HSF2BP: variants seen among roughly 807,000 people sequenced by gnomAD.
HSF2BP encodes heat shock transcription factor 2 binding protein, also known as heat shock factor 2-binding protein.
HSF2BP carries 35 observed loss-of-function variants against 35.0 expected under a neutral mutation model. That is an observed-to-expected ratio of 1.00 (90% CI 0.76 to 1.32). The LOEUF is 1.32. Ranked by LOEUF, HSF2BP falls within the 40% of genes most tolerant of loss-of-function variation. HSF2BP has a pLI of 0.00. For missense variants in HSF2BP, 326 were observed against 321.7 expected (o/e 1.01, Z -0.10); for synonymous variants, 114 against 117.4 (o/e 0.97, Z 0.18).
At chr21:43,581,937 G>A (rs544293189) in intron 8 of HSF2BP, among the ~76,000 whole-genome samples, 12 of 138,144 alleles carry the variant, frequency 8.7e-5, no homozygotes, top group African/African-American at 3.2e-4. Flanking sequence ...GCCTGCCGTG[G>A]GGGATGAGGG....
chr21:43,604,404 C>G (rs1417384902), intron 7 of HSF2BP, among the ~76,000 whole-genome samples: 2 of 140,654 alleles, frequency 1.4e-5, no homozygotes, highest in Non-Finnish European at 3.1e-5. Flanking sequence ...ACACTACACA[C>G]ACACCATACA....
At chr21:43,635,507 A>G (rs1449915758) in intron 4 of HSF2BP, among the ~76,000 whole-genome samples, 1 of 152,238 alleles carries the variant, frequency 6.6e-6, no homozygotes, top group African/African-American at 2.4e-5. Flanking sequence ...TGAAACACTG[A>G]CATGTCAACT....
intron 3 of HSF2BP, among the ~76,000 whole-genome samples, chr21:43,653,776 G>A (rs2082828858): frequency 6.6e-6 from 1 of 152,198 alleles, no homozygotes; most frequent in African/African-American, 2.4e-5. Flanking sequence ...GAGACCGCCA[G>A]GAGGAGGCAG....
intron 3 of HSF2BP, 120 bp from the exon 4 acceptor site, chr21:43,644,512 G>T (rs901135815): frequency 1.4e-6 from 1 of 706,226 alleles, no homozygotes. Flanking sequence ...GAGAATATTT[G>T]CATTTCTTGA....
chr21:43,589,294 AAGG>A (rs1317981898), intron 8 of HSF2BP, among the ~76,000 whole-genome samples: 2 of 152,180 alleles, frequency 1.3e-5, no homozygotes, highest in South Asian at 2.1e-4. Flanking sequence ...GCCAGAAACA[AAGG>A]AGGTCAGTTC....
chr21:43,605,438 T>C (rs1188404077), intron 7 of HSF2BP, among the ~76,000 whole-genome samples: 7 of 91,382 alleles, frequency 7.7e-5, no homozygotes, highest in Admixed American at 1.3e-4. Flanking sequence ...CACACACACA[T>C]ACACACACCC....
intron 8 of HSF2BP, among the ~76,000 whole-genome samples, chr21:43,576,395 C>A (rs1466825892): frequency 6.6e-6 from 1 of 152,160 alleles, no homozygotes; most frequent in Non-Finnish European, 1.5e-5. Context: ...CCTCAGTGTC[C>A]CCACATATAA....
chr21:43,607,169 A>G (rs2082145137), intron 7 of HSF2BP, among the ~76,000 whole-genome samples: 2 of 152,116 alleles, frequency 1.3e-5, no homozygotes, highest in South Asian at 4.1e-4. Flanking sequence ...ACACACCTGT[A>G]GTCCCAGCTA....
intron 8 of HSF2BP, among the ~76,000 whole-genome samples, chr21:43,580,911 TA>T (rs1211655042): frequency 6.6e-6 from 1 of 152,224 alleles, no homozygotes; most frequent in Non-Finnish European, 1.5e-5. Context: ...GAATATTCAC[TA>T]GTTACTAAAC....
In HSF2BP at chr21:43,633,363, G is replaced by A. The variant is rs141296083; in HGVS notation, c.350C>T (p.Ala117Val). 1 of 1,613,888 alleles carries A rather than the reference G, an allele frequency of 6.2e-7. No homozygotes were observed. Residue 117 changes from alanine (A) to valine (V), a missense_variant, in exon 5 of 9, where the codon GCA (alanine) becomes GTA (valine). Coordinates refer to ENST00000291560, the MANE Select transcript of HSF2BP (RefSeq NM_007031.2). Reference protein sequence around the residue: ...NEAKQQLLQQAEYCTEMGAAA... With the variant: ...NEAKQQLLQQVEYCTEMGAAA... ...TGCTCCCATTTCTGTACAATACTCT[G>A]CCTGCTGCAGGAGTTGCTGCTTCGC... is the stretch of plus-strand genomic sequence containing the variant.
chr21:43,589,482 A>T (rs2081899420), intron 8 of HSF2BP, among the ~76,000 whole-genome samples: 1 of 152,228 alleles, frequency 6.6e-6, no homozygotes, highest in South Asian at 2.1e-4. Flanking sequence ...TTCCAACAGG[A>T]TTCTTTTTGG....
At chr21:43,584,995 A>ATTAATTAT (rs1555856714) in intron 8 of HSF2BP, among the ~76,000 whole-genome samples, 2 of 151,482 alleles carry the variant, frequency 1.3e-5, no homozygotes, top group African/African-American at 4.9e-5. Flanking sequence ...ATTTTATTTA[A>ATTAATTAT]TTATTTATTT....
At chr21:43,467,843 A>C in the HSF2BP span, among the ~76,000 whole-genome samples, 1 of 123,858 alleles carries the variant, frequency 8.1e-6, no homozygotes, top group African/African-American at 3.2e-5. Context: ...ACCACACACC[A>C]CATACACACC....
chr21:43,623,139 G>A lies in HSF2BP; in HGVS notation c.574+7183C>T. Among the ~76,000 whole-genome samples the A allele has an allele frequency of 1.3e-5, 2 of 151,650 alleles. 1 individual carries two copies. The highest frequency in any genetic ancestry group is 2.9e-5 in the Non-Finnish European group (2 of 67,948). On this transcript the variant is annotated intron_variant, in intron 6 of 8. Coordinates refer to ENST00000291560, the MANE Select transcript of HSF2BP (RefSeq NM_007031.2). Reference sequence around the variant, plus strand: ...TTCTGACCACAATACAATAAAACTAGAAATTAATAGCAAGAGGACCCTCAG... The same window carrying A: ...TTCTGACCACAATACAATAAAACTAAAAATTAATAGCAAGAGGACCCTCAG...
chr21:43,583,650 AG>A (rs1473657196), intron 8 of HSF2BP, among the ~76,000 whole-genome samples: 25 of 133,618 alleles, frequency 1.9e-4, no homozygotes, highest in East Asian at 4.8e-4. Flanking sequence ...AGGGAGATGA[AG>A]GACCTGCTGA....
chr21:43,648,536 C>T (rs1479648623), intron 3 of HSF2BP, among the ~76,000 whole-genome samples: 1 of 151,996 alleles, frequency 6.6e-6, no homozygotes, highest in African/African-American at 2.4e-5. Flanking sequence ...ACCCTGATCA[C>T]ACTTTAATCT....
At chr21:43,633,934 C>T (rs1454648) in intron 4 of HSF2BP, among the ~76,000 whole-genome samples, 100,994 of 152,176 alleles carry the variant, frequency 0.66, 33,884 homozygotes, top group East Asian at 0.79. Context: ...AAAAACTCAT[C>T]CTGTATAAAC....
At chr21:43,648,640 G>C (rs191432962) in intron 3 of HSF2BP, among the ~76,000 whole-genome samples, 1 of 152,212 alleles carries the variant, frequency 6.6e-6, no homozygotes, top group Non-Finnish European at 1.5e-5. Context: ...AATAAACTCC[G>C]AGTCAAAGTA....
chr21:43,501,256 T>A, the HSF2BP span, among the ~76,000 whole-genome samples: 2 of 122,496 alleles, frequency 1.6e-5, 1 homozygote, highest in Non-Finnish European at 3.4e-5. Context: ...AATTTATAAG[T>A]TTTTTCAATT....
Sources: allele counts gnomAD v4.1 joint callset (sites outside exome capture counted in the v4.1 genomes callset), GRCh38; gene constraint gnomAD v4.1.1; transcripts MANE v1.5; gene names NCBI Gene and HGNC (gene_info 2026-07-23, HGNC 2026-07-21).